Variants in APBA1 observed in about 807,000 individuals in gnomAD.
APBA1 encodes amyloid beta precursor protein binding family A member 1.
A neutral mutation model predicts 86.6 loss-of-function variants in APBA1; 55 were observed. That is an observed-to-expected ratio of 0.64 (90% CI 0.51 to 0.80). The LOEUF (loss-of-function observed/expected upper bound fraction) is 0.80, where lower values mean the gene tolerates loss of function less well. APBA1 is among the 30% of genes least tolerant of loss of function. APBA1 has a pLI of 0.00. For synonymous variants in APBA1, 511 were observed against 493.9 expected, an observed-to-expected ratio of 1.03 and a Z score of -0.46; for missense variants, 1,090 against 1,183.0, an observed-to-expected ratio of 0.92 and a Z score of 1.15.
At chr9:69,486,126 A>G (rs1835605949) in intron 2 of APBA1, among the ~76,000 whole-genome samples, 1 of 151,848 alleles carries the variant, frequency 6.6e-6, no homozygotes, top group Non-Finnish European at 1.5e-5. Context: ...TAATTTTTGT[A>G]TTTTTGGTAG....
intron 1 of APBA1, among the ~76,000 whole-genome samples, chr9:69,565,192 T>C (rs1263891325): frequency 6.6e-6 from 1 of 152,120 alleles, no homozygotes; most frequent in Non-Finnish European, 1.5e-5. Flanking sequence ...TGCTGTCAGG[T>C]AGAGTCCTGC....
chr9:69,428,623 A>G lies in APBA1; in HGVS notation c.*2704T>C, dbSNP rs986652353. 1.3e-5 allele frequency: 2 copies of G among 152,200 alleles called. No individual in the cohort carries two copies. Among genetic ancestry groups the G allele is most frequent in the African/African-American group, 2.4e-5 (1 of 41,460 alleles). The allele number at this position is 152,200 out of a possible 1,614,324, so 9.4% of individuals were successfully genotyped here. On this transcript the variant is annotated 3_prime_UTR_variant, in exon 13 of 13. Transcript: ENST00000265381. Reference sequence around the variant, plus strand: ...AGGCTGCCCTGTACATAGCCTTCCCATTACATGGGGTATTTAGATATTTAC... The same window carrying G: ...AGGCTGCCCTGTACATAGCCTTCCCGTTACATGGGGTATTTAGATATTTAC...
chr9:69,555,799 A>G (rs1412342621), intron 1 of APBA1, among the ~76,000 whole-genome samples: 1 of 152,188 alleles, frequency 6.6e-6, no homozygotes, highest in Non-Finnish European at 1.5e-5. Flanking sequence ...TGAGATGCAT[A>G]CTAGCCATCT....
At chr9:69,453,210 G>A (rs1835041799) in intron 8 of APBA1, among the ~76,000 whole-genome samples, 1 of 152,168 alleles carries the variant, frequency 6.6e-6, no homozygotes, top group Non-Finnish European at 1.5e-5. Flanking sequence ...CAATAGGGGA[G>A]GTTATATTAG....
intron 1 of APBA1, among the ~76,000 whole-genome samples, chr9:69,645,752 AGGTCCT>A: frequency 6.6e-6 from 1 of 152,344 alleles, no homozygotes; most frequent in Admixed American, 6.5e-5. Flanking sequence ...GCTGCGATTA[AGGTCCT>A]GGCAGACAGG....
chr9:69,519,027 T>C (rs978967621), intron 1 of APBA1, among the ~76,000 whole-genome samples: 1 of 152,234 alleles, frequency 6.6e-6, no homozygotes, highest in African/African-American at 2.4e-5. Context: ...GCTTCGCTAC[T>C]TGACATAAGT....
intron 2 of APBA1, among the ~76,000 whole-genome samples, chr9:69,502,354 T>G (rs531286319): frequency 6.6e-6 from 1 of 152,072 alleles, no homozygotes; most frequent in South Asian, 2.1e-4. Flanking sequence ...CTAAAATAAT[T>G]GGAGGCAATA....
intron 1 of APBA1, among the ~76,000 whole-genome samples, chr9:69,525,845 C>A (rs994872685): frequency 2.7e-4 from 41 of 152,032 alleles, no homozygotes; most frequent in African/African-American, 9.4e-4. Flanking sequence ...ACCAAAACAT[C>A]ATGGTACTTG....
chr9:69,434,272 G>C (rs994011955), intron 11 of APBA1, among the ~76,000 whole-genome samples: 1 of 152,174 alleles, frequency 6.6e-6, no homozygotes, highest in East Asian at 1.9e-4. Flanking sequence ...TGGCAGCCGG[G>C]AAGGCAGTCC....
rs576027043 is a variant in APBA1 at position 69,663,808 on chromosome 9, T to A, written c.-70+8345A>T. Among the ~76,000 whole-genome samples the A allele has an allele frequency of 2.0e-5, 3 of 152,282 alleles. No homozygotes were observed. The South Asian group carries it at 6.2e-4, about 32-fold the overall frequency. ...ACCATACCTTGACAACCTCCTGTGA[T>A]CACTTTACATATACAAAAAGATGAG... On this transcript the variant is annotated intron_variant, in intron 1 of 12. Coordinates refer to ENST00000265381, the MANE Select transcript of APBA1 (RefSeq NM_001163.4).
chr9:69,658,320 T>TC (rs1564105107), intron 1 of APBA1, among the ~76,000 whole-genome samples: 8 of 67,592 alleles, frequency 1.2e-4, no homozygotes, highest in Middle Eastern at 7.5e-3. Context: ...CTTTCTTTCT[T>TC]TCTTTCTTTC....
chr9:69,636,983 GAAAA>G lies in APBA1; in HGVS notation c.-70+35166_-70+35169del, dbSNP rs796673181. 9.9e-3 allele frequency among the ~76,000 whole-genome samples: 1,370 copies of G among 138,714 alleles called. 97 individuals are homozygous for G. The highest frequency in any genetic ancestry group is 0.013 in the East Asian group (59 of 4,432). The allele number at this position is 138,714 out of a possible 152,430, so 91.0% of individuals were successfully genotyped here. A position where few individuals can be genotyped will look rare whatever the true frequency, so the allele number is the denominator to read the frequency against. ...AGAAAGAAAGAAAGAAAGAAAGAAA[GAAAA>G]ATGTGATACATATACACAGTGGAGT... On this transcript the variant is annotated intron_variant, in intron 1 of 12. Coordinates refer to ENST00000265381, the MANE Select transcript of APBA1 (RefSeq NM_001163.4).
At chr9:69,527,089 A>T (rs959206120) in intron 1 of APBA1, among the ~76,000 whole-genome samples, 1 of 152,028 alleles carries the variant, frequency 6.6e-6, no homozygotes, top group Admixed American at 6.6e-5. Context: ...GTGGGGAAGG[A>T]CAGAGGAGGG....
At chr9:69,503,702 T>C (rs1343754138) in intron 2 of APBA1, among the ~76,000 whole-genome samples, 1 of 152,046 alleles carries the variant, frequency 6.6e-6, no homozygotes, top group Non-Finnish European at 1.5e-5. Flanking sequence ...CCTAAAACCA[T>C]CTAAAACTCC....
chr9:69,441,076 T>A lies in APBA1; in HGVS notation c.2221A>T (p.Arg741Ter). ...NQSRVKLNIV[R>*]CPPVTTVLIR... ...AACACGGTGGTCACCGGAGGACATCTCACGATATTCAGCTTGACTCGGGAC... is the reference window on the plus strand; with the variant it reads ...AACACGGTGGTCACCGGAGGACATCACACGATATTCAGCTTGACTCGGGAC... The change falls in exon 11 of 13, where the codon AGA becomes TGA. Residue 741 changes from arginine (R) to a stop codon, truncating the protein, a stop_gained. Coordinates refer to ENST00000265381, the MANE Select transcript of APBA1 (RefSeq NM_001163.4). LOFTEE classifies it high-confidence loss of function. 1 of 1,614,088 alleles carries A rather than the reference T, an allele frequency of 6.2e-7. No homozygotes were observed. The highest frequency in any genetic ancestry group is 8.5e-7 in the Non-Finnish European group (1 of 1,180,038).
At chr9:69,607,979 GTTA>G (rs746561154) in intron 1 of APBA1, among the ~76,000 whole-genome samples, 1 of 152,298 alleles carries the variant, frequency 6.6e-6, no homozygotes, top group East Asian at 1.9e-4. Context: ...ATAAATGCCA[GTTA>G]TTATTATTAG....
chr9:69,585,480 G>A (rs1166309645), intron 1 of APBA1, among the ~76,000 whole-genome samples: 1 of 152,144 alleles, frequency 6.6e-6, no homozygotes. Context: ...GAGAGAAGGG[G>A]GATGCCTCAT....
rs763553462 is a variant in APBA1, at chr9:69,516,013, C to T, written c.1198G>A (p.Asp400Asn). The T allele has an allele frequency of 1.9e-6, 3 of 1,562,776 alleles. No individual in the cohort carries two copies. The highest frequency in any genetic ancestry group is 1.7e-4 in the Middle Eastern group (1 of 5,846). Residue 400 changes from aspartate to asparagine, a missense_variant and splice_region_variant, in exon 2 of 13, where the codon GAT becomes AAT. Physicochemically the swap from Asp to Asn is conservative, Grantham distance 23 (BLOSUM62 1). Around this residue, in one of 6 missense-constraint regions of APBA1, gnomAD observed 678 missense variants for 647.1 expected, o/e 1.05. Transcript: ENST00000265381. This position sits in a 1 kb window ranked among gnomAD's most constrained non-coding sequence, Gnocchi z 7.3. ...AGCCCAAACCCGCACCTACTTACAT[C>T]TCCGTCCATCGGCCTCTGGTCGTCA... Reference protein sequence around the residue: ...DCDDQRPMDGDSPSPGSSSPL... With the variant: ...DCDDQRPMDGNSPSPGSSSPL...
At chr9:69,598,378 A>G (rs1293616646) in intron 1 of APBA1, among the ~76,000 whole-genome samples, 3 of 152,148 alleles carry the variant, frequency 2.0e-5, no homozygotes, top group Non-Finnish European at 2.9e-5. Context: ...GCACATGTAT[A>G]CATATGTAAC....
Sources: allele counts gnomAD v4.1 joint callset (sites outside exome capture counted in the v4.1 genomes callset), GRCh38; gene constraint gnomAD v4.1.1; regional missense constraint gnomAD v4.1.1; non-coding constraint Gnocchi (gnomAD v3.1); transcripts MANE v1.5; gene names NCBI Gene and HGNC (gene_info 2026-07-23, HGNC 2026-07-21).